The following MARK2 variants were observed in gnomAD, a reference collection of about 807,000 sequenced individuals.
The protein encoded by MARK2 is serine/threonine-protein kinase MARK2.
In MARK2, 16 loss-of-function variants were observed where a neutral mutation model predicts 89.8. The ratio of observed to expected loss-of-function variants is 0.18; its 90% CI spans 0.12 to 0.27. MARK2 has a LOEUF of 0.27. Among genes scored for constraint, MARK2 ranks in the 10% least tolerant of loss-of-function variants. The probability of loss-of-function intolerance (pLI) is 1.00; values close to 1 mark genes in which losing one functional copy is unlikely to be tolerated. For synonymous variants in MARK2, 382 were observed against 399.5 expected, an observed-to-expected ratio of 0.96 and a Z score of 0.52; for missense variants, 621 against 1,049.9, an observed-to-expected ratio of 0.59 and a Z score of 5.65.
intron 1 of MARK2, among the ~76,000 whole-genome samples, chr11:63,845,306 T>G (rs1477084562): frequency 6.6e-6 from 1 of 152,158 alleles, no homozygotes; most frequent in Non-Finnish European, 1.5e-5. Context: ...TTCCCCACTT[T>G]CCCATCAAAG....
At chr11:63,859,538 C>T (rs932962123) in intron 1 of MARK2, among the ~76,000 whole-genome samples, 7 of 152,026 alleles carry the variant, frequency 4.6e-5, no homozygotes, top group African/African-American at 1.5e-4. Context: ...CCAGGCTGGT[C>T]TTGAATTCCT....
intron 1 of MARK2, among the ~76,000 whole-genome samples, chr11:63,872,923 A>T (rs1043731072): frequency 2.9e-5 from 2 of 68,756 alleles, no homozygotes; most frequent in African/African-American, 6.0e-5. Flanking sequence ...CCTGCCAGGC[A>T]AACTGGAGTG....
At chr11:63,872,848 C>T (rs998858619) in intron 1 of MARK2, among the ~76,000 whole-genome samples, 28 of 151,912 alleles carry the variant, frequency 1.8e-4, no homozygotes, top group Admixed American at 1.7e-3. Context: ...GAATCATAAT[C>T]TCCCTTCCTC....
intron 1 of MARK2, among the ~76,000 whole-genome samples, chr11:63,856,022 G>A (rs1018574558): frequency 1.3e-5 from 2 of 152,082 alleles, no homozygotes; most frequent in Non-Finnish European, 2.9e-5. Context: ...AATTTTTTAA[G>A]CATATAAAGA....
At chr11:63,892,848 T>TCCTCCCG (rs1940000539) in intron 1 of MARK2, among the ~76,000 whole-genome samples, 2 of 149,336 alleles carry the variant, frequency 1.3e-5, no homozygotes, top group Admixed American at 1.3e-4. Flanking sequence ...TCCCGCCTCA[T>TCCTCCCG]CCTCCAGAGC....
intron 1 of MARK2, among the ~76,000 whole-genome samples, chr11:63,892,939 A>C (rs1350775692): frequency 4.4e-5 from 5 of 114,100 alleles, no homozygotes; most frequent in African/African-American, 3.6e-5. Flanking sequence ...ACGGAGTTTC[A>C]CTCTTGTTGC....
At chr11:63,869,628 G>A (rs2135260902) in intron 1 of MARK2, among the ~76,000 whole-genome samples, 1 of 152,278 alleles carries the variant, frequency 6.6e-6, no homozygotes, top group South Asian at 2.1e-4. Flanking sequence ...GGGTTGTCAT[G>A]TTTCTGAGGT....
At position 63,839,855 on chromosome 11, in the gene MARK2, C is replaced by G. The variant is rs556321173; in HGVS notation, c.54+295C>G. Among the ~76,000 whole-genome samples, 16 of 152,176 alleles carry G rather than the reference C, an allele frequency of 1.1e-4. No homozygotes were observed. The South Asian group carries it at 1.2e-3, about 12-fold the overall frequency. Reference sequence around the variant, plus strand: ...CAGCTTCCCTTTCTCTTCCCTTTTTCTCTCAGGGGCCTTTCTGGTCTTCCT... The same window carrying G: ...CAGCTTCCCTTTCTCTTCCCTTTTTGTCTCAGGGGCCTTTCTGGTCTTCCT... On this transcript the variant is annotated intron_variant, in intron 1 of 18. Coordinates refer to ENST00000402010, the MANE Select transcript of MARK2 (RefSeq NM_001039469.3).
At chr11:63,868,868 AC>A (rs1487934172) in intron 1 of MARK2, 10 of 455,916 alleles carry the variant, frequency 2.2e-5, no homozygotes, top group Non-Finnish European at 4.4e-5. Context: ...GGAGCATGGC[AC>A]GGGAAGAACT....
intron 1 of MARK2, among the ~76,000 whole-genome samples, chr11:63,892,956 T>G (rs1940020419): frequency 6.8e-6 from 1 of 148,146 alleles, no homozygotes; most frequent in Non-Finnish European, 1.5e-5. Context: ...TTGCCCAGGC[T>G]GGAGTGCAGT....
chr11:63,860,559 A>T (rs1458908850), intron 1 of MARK2, among the ~76,000 whole-genome samples: 1 of 147,600 alleles, frequency 6.8e-6, no homozygotes, highest in African/African-American at 2.5e-5. Flanking sequence ...AAAAAAAAAA[A>T]ATAAATAGAA....
intron 1 of MARK2, among the ~76,000 whole-genome samples, chr11:63,879,070 C>T (rs1232664471): frequency 6.6e-6 from 1 of 151,976 alleles, no homozygotes; most frequent in African/African-American, 2.4e-5. Context: ...TTTGGGAGGC[C>T]GAGGCAGGCA....
intron 1 of MARK2, among the ~76,000 whole-genome samples, chr11:63,842,252 C>G (rs1264862521): frequency 7.0e-6 from 1 of 142,068 alleles, no homozygotes; most frequent in Non-Finnish European, 1.5e-5. Flanking sequence ...GAGTCTCGTT[C>G]TGTCGCCAGG....
At position 63,898,170 on chromosome 11, in the gene MARK2, G is replaced by A. The variant is rs1940575555; in HGVS notation, c.289-62G>A. 11 of 1,446,644 alleles carry A rather than the reference G, an allele frequency of 7.6e-6. No individual in the cohort carries two copies. The South Asian group carries it at 1.0e-4, about 14-fold the overall frequency. 89.6% of individuals were successfully genotyped at this position (1,446,644 alleles called of 1,614,324 possible). ...GGAAAAACAAATCCTGGCAGGGACT[G>A]TTTGGAGAGACCTGATGGGAGCAAG... On this transcript the variant is annotated intron_variant, in intron 3 of 18. Transcript: ENST00000402010.
In MARK2 at chr11:63,900,580, A is replaced by C; in HGVS notation, c.790A>C (p.Arg264=). 6.2e-7 allele frequency: 1 copy of C among 1,614,062 alleles called. No homozygotes were observed. The highest frequency in any genetic ancestry group is 2.2e-5 in the East Asian group (1 of 44,870). ...NLKELRERVL[R]GKYRIPFYMS... ...GCAGGAGCTGCGGGAACGGGTACTG[A>C]GGGGAAAATACCGTATTCCATTCTA... Residue 264 remains arginine (R), a synonymous_variant, in exon 9 of 19, where the codon AGG becomes CGG. Coordinates refer to ENST00000402010, the MANE Select transcript of MARK2 (RefSeq NM_001039469.3). The surrounding 1 kb of genome is among the most constrained non-coding windows in gnomAD (Gnocchi z 4.7).
At chr11:63,906,431 G>T (rs1941340039) in intron 17 of MARK2, among the ~76,000 whole-genome samples, 1 of 152,168 alleles carries the variant, frequency 6.6e-6, no homozygotes, top group African/African-American at 2.4e-5. Context: ...AGTAAGGGGA[G>T]ACTGTCTCAG....
Position 63,903,935 on chromosome 11 carries a change from C to T in MARK2, c.1515-51C>T, listed in dbSNP as rs369512015. On this transcript the variant is annotated intron_variant, in intron 14 of 18. Transcript: ENST00000402010. This position sits in a 1 kb window ranked among gnomAD's most constrained non-coding sequence, Gnocchi z 5.1. ...GCCCTTGCTTCCTAATCCAGGCCTC[C>T]CGCCCTCACTCACCCCTAACACGGG... The T allele has an allele frequency of 8.0e-6, 12 of 1,507,078 alleles. No individual in the cohort carries two copies. The African/African-American group carries it at 1.5e-4, about 19-fold the overall frequency. 93.4% of individuals were successfully genotyped at this position (1,507,078 alleles called of 1,614,324 possible). A position where few individuals can be genotyped will look rare whatever the true frequency, so the allele number is the denominator to read the frequency against.
chr11:63,906,108 C>A lies in MARK2; in HGVS notation c.1955C>A (p.Ala652Asp). Residue 652 changes from alanine to aspartate, a missense_variant, in exon 17 of 19, where the codon GCC (alanine) becomes GAC (aspartate). Ala to Asp is a moderately radical substitution (Grantham distance 126). Around this residue, in one of 5 missense-constraint regions of MARK2, gnomAD observed 397 missense variants for 567.8 expected, o/e 0.70. Transcript: ENST00000402010. Reference sequence around the variant, plus strand: ...TTTAGAAATCTGTCTTTCAGGTTTGCCAGAAGGTAGGCGTTGAGCCCGCTG... The same window carrying A: ...TTTAGAAATCTGTCTTTCAGGTTTGACAGAAGGTAGGCGTTGAGCCCGCTG... ...FVRRNLSFRFARRNLNEPESK... is the reference protein window; with the variant it reads ...FVRRNLSFRFDRRNLNEPESK... The A allele has an allele frequency of 7.5e-7, 1 of 1,335,892 alleles. No homozygotes were observed. Among genetic ancestry groups the A allele is most frequent in the Non-Finnish European group, 9.6e-7 (1 of 1,039,614 alleles). 82.8% of individuals were successfully genotyped at this position (1,335,892 alleles called of 1,614,324 possible). A position where few individuals can be genotyped will look rare whatever the true frequency, so the allele number is the denominator to read the frequency against.
At chr11:63,855,989 A>T (rs2016816902) in intron 1 of MARK2, among the ~76,000 whole-genome samples, 1 of 152,348 alleles carries the variant, frequency 6.6e-6, no homozygotes, top group South Asian at 2.1e-4. Flanking sequence ...AATTTCTAAT[A>T]AGATAGCTGT....
Sources: gnomAD v4.1 joint callset for allele counts (sites outside exome capture counted in the v4.1 genomes callset) on GRCh38, gnomAD v4.1.1 for gene constraint, gnomAD v4.1.1 regional missense constraint, Gnocchi (gnomAD v3.1) non-coding constraint, MANE v1.5 for transcripts, NCBI Gene and HGNC (gene_info 2026-07-23, HGNC 2026-07-21) for gene names.